The following CSTPP1 variants were observed in gnomAD, a reference collection of about 807,000 sequenced individuals.
The protein encoded by CSTPP1 is centriolar satellite-associated tubulin polyglutamylase complex regulator 1.
chr11:47,066,286 A>C, the CSTPP1 span, among the ~76,000 whole-genome samples: 2 of 152,160 alleles, frequency 1.3e-5, no homozygotes, highest in East Asian at 3.9e-4. Flanking sequence ...TGAGGAAAAA[A>C]AAAATTGATT....
chr11:47,147,929 T>A, the CSTPP1 span, among the ~76,000 whole-genome samples: 2 of 152,148 alleles, frequency 1.3e-5, no homozygotes, highest in African/African-American at 4.8e-5. Context: ...CATCATCATA[T>A]TGTTTCCCAC....
the CSTPP1 span, among the ~76,000 whole-genome samples, chr11:46,997,571 G>A: frequency 3.3e-5 from 5 of 152,208 alleles, no homozygotes; most frequent in Non-Finnish European, 5.9e-5. Flanking sequence ...ACTCGTCAAA[G>A]TCGTTCTCCG....
the CSTPP1 span, among the ~76,000 whole-genome samples, chr11:47,013,954 CTAACACTTTGGGAGGCCAAGG>C: frequency 6.6e-6 from 1 of 152,128 alleles, no homozygotes; most frequent in Non-Finnish European, 1.5e-5. Flanking sequence ...ACCCATAATC[CTAACACTTTGGGAGGCCAAGG>C]TGGGTGGATT....
chr11:46,999,766 C>T, the CSTPP1 span, among the ~76,000 whole-genome samples: 5 of 152,228 alleles, frequency 3.3e-5, no homozygotes, highest in South Asian at 2.1e-4. Flanking sequence ...TATATTTAGC[C>T]GTGGGTGATT....
At chr11:47,146,832 T>C in the CSTPP1 span, among the ~76,000 whole-genome samples, 1 of 152,234 alleles carries the variant, frequency 6.6e-6, no homozygotes, top group Non-Finnish European at 1.5e-5. Flanking sequence ...GTGGAATTCT[T>C]TCCAGCAGCT....
chr11:47,088,147 T>TGG, the CSTPP1 span, among the ~76,000 whole-genome samples: 25 of 152,210 alleles, frequency 1.6e-4, no homozygotes, highest in Non-Finnish European at 3.4e-4. Flanking sequence ...TGTTGCTAAG[T>TGG]TTAGCTCATA....
chr11:46,987,952 T>A, the CSTPP1 span: 1 of 152,254 alleles, frequency 6.6e-6, no homozygotes, highest in Non-Finnish European at 1.5e-5. Flanking sequence ...CAAACAGGCA[T>A]AAGCAAAGGT....
chr11:47,042,179 G>A, the CSTPP1 span, among the ~76,000 whole-genome samples: 606 of 151,674 alleles, frequency 4.0e-3, 24 homozygotes, highest in African/African-American at 0.014. Context: ...TCCAGCCTGG[G>A]CAACAGAGCA....
At chr11:47,042,693 G>C in the CSTPP1 span, among the ~76,000 whole-genome samples, 4 of 152,088 alleles carry the variant, frequency 2.6e-5, no homozygotes, top group African/African-American at 9.7e-5. Flanking sequence ...TTGAATACTC[G>C]TTTTGGCAAA....
At chr11:47,001,777 T>A in the CSTPP1 span, among the ~76,000 whole-genome samples, 1 of 152,156 alleles carries the variant, frequency 6.6e-6, no homozygotes, top group African/African-American at 2.4e-5. Context: ...AGGTGACAGA[T>A]TTTTTAAGGA....
the CSTPP1 span, among the ~76,000 whole-genome samples, chr11:46,976,820 C>T: frequency 1.7e-4 from 26 of 152,134 alleles, no homozygotes; most frequent in African/African-American, 6.0e-4. Flanking sequence ...CTGTGGAACC[C>T]GAATCTACGA....
the CSTPP1 span, among the ~76,000 whole-genome samples, chr11:47,000,399 C>T: frequency 6.6e-6 from 1 of 152,174 alleles, no homozygotes; most frequent in Admixed American, 6.5e-5. Context: ...AACACTATGG[C>T]ATCAGGGAGC....
the CSTPP1 span, among the ~76,000 whole-genome samples, chr11:47,061,278 A>G: frequency 2.0e-5 from 3 of 152,210 alleles, no homozygotes; most frequent in Non-Finnish European, 4.4e-5. Flanking sequence ...CCCTGCTTTT[A>G]TAGAGCTTAC....
the CSTPP1 span, among the ~76,000 whole-genome samples, chr11:47,145,115 G>A: frequency 6.7e-6 from 1 of 149,300 alleles, no homozygotes; most frequent in South Asian, 2.2e-4. Context: ...AGCCTCCCAA[G>A]TAGCTAGGAC....
At chr11:47,060,322 C>CT in the CSTPP1 span, among the ~76,000 whole-genome samples, 1 of 133,866 alleles carries the variant, frequency 7.5e-6, no homozygotes, top group Non-Finnish European at 1.5e-5. Flanking sequence ...ACTGCAACCT[C>CT]TGCCTCCCGG....
At chr11:46,966,766 G>A in the CSTPP1 span, among the ~76,000 whole-genome samples, 1 of 152,322 alleles carries the variant, frequency 6.6e-6, no homozygotes, top group Non-Finnish European at 1.5e-5. Context: ...GGGGCAAGGG[G>A]TAAGATTTAA....
the CSTPP1 span, among the ~76,000 whole-genome samples, chr11:47,102,809 A>G: frequency 1.3e-5 from 2 of 152,224 alleles, no homozygotes; most frequent in African/African-American, 4.8e-5. Flanking sequence ...TGAAATGTAT[A>G]CCCTAAGGGG....
chr11:47,038,594 C>T, the CSTPP1 span, among the ~76,000 whole-genome samples: 1 of 111,428 alleles, frequency 9.0e-6, no homozygotes, highest in African/African-American at 2.7e-5. Context: ...GATCCCCCCA[C>T]CTCCCTCCCG....
chr11:47,044,199 G>C, the CSTPP1 span, among the ~76,000 whole-genome samples: 1 of 152,044 alleles, frequency 6.6e-6, no homozygotes, highest in Non-Finnish European at 1.5e-5. Flanking sequence ...ATATTGGCCA[G>C]GCTGGTCACA....
Sources: allele counts gnomAD v4.1 joint callset (sites outside exome capture counted in the v4.1 genomes callset), GRCh38; gene constraint gnomAD v4.1.1; transcripts MANE v1.5; gene names NCBI Gene and HGNC (gene_info 2026-07-23, HGNC 2026-07-21).